GOLGA4: variants seen among roughly 807,000 people sequenced by gnomAD.
The protein encoded by GOLGA4 is golgin A4.
GOLGA4 carries 169 observed loss-of-function variants against 265.9 expected under a neutral mutation model. The ratio of observed to expected loss-of-function variants is 0.64; its 90% confidence interval spans 0.56 to 0.72. GOLGA4 has a LOEUF of 0.72. Among genes scored for constraint, GOLGA4 ranks in the 30% least tolerant of loss-of-function variants. The pLI, the probability that GOLGA4 is intolerant of heterozygous loss-of-function variation, is 0.00. For synonymous variants in GOLGA4, 923 were observed against 855.8 expected (o/e 1.08, Z -1.37); for missense variants, 2,482 against 2,483.4 (o/e 1.00, Z 0.01).
At chr3:37,334,877 A>G (rs2097004448) in intron 16 of GOLGA4, among the ~76,000 whole-genome samples, 176 bp from the exon 17 acceptor site, 1 of 152,216 alleles carries the variant, frequency 6.6e-6, no homozygotes, top group South Asian at 2.1e-4. Context: ...TTAGAGCACA[A>G]TAATGAATTA....
intron 11 of GOLGA4, 137 bp from the exon 12 acceptor site, chr3:37,318,926 T>C: frequency 1.7e-6 from 1 of 575,794 alleles, no homozygotes; most frequent in Non-Finnish European, 3.0e-6. Context: ...ATGCAGGAAA[T>C]GTGTTTTCTC....
rs141755194 is a variant in GOLGA4, at chr3:37,296,176, C to G, written c.771C>G (p.Val257=). The G allele has an allele frequency of 6.2e-7, 1 of 1,613,668 alleles. No homozygotes were observed. Among genetic ancestry groups the G allele is most frequent in the Non-Finnish European group, 8.5e-7 (1 of 1,179,578 alleles). The change falls in exon 7 of 24, where the codon GTC becomes GTG. Residue 257 remains valine (V), a synonymous_variant. Coordinates refer to ENST00000361924, the MANE Select transcript of GOLGA4 (RefSeq NM_002078.5). ...CTCAGCTGGAACCACAGGCTGAAGT[C>G]TTCACTAAAGAAGAGAATCCAGAAA... ...PLPQLEPQAE[V]FTKEENPESD... is the part of the protein sequence containing the mutation.
chr3:37,260,124 C>T (rs529176344), intron 2 of GOLGA4, among the ~76,000 whole-genome samples: 1 of 137,668 alleles, frequency 7.3e-6, no homozygotes, highest in East Asian at 2.2e-4. Flanking sequence ...GGCCACACAT[C>T]AAATACGCTA....
At chr3:37,344,558 C>T (rs1429927021) in intron 20 of GOLGA4, among the ~76,000 whole-genome samples, 2 of 143,738 alleles carry the variant, frequency 1.4e-5, no homozygotes, top group Non-Finnish European at 3.0e-5. Flanking sequence ...GTCTTGAACT[C>T]CTGGCCTCAA....
At chr3:37,308,392 C>T (rs2096913272) in intron 10 of GOLGA4, among the ~76,000 whole-genome samples, 1 of 151,722 alleles carries the variant, frequency 6.6e-6, no homozygotes, top group African/African-American at 2.4e-5. Flanking sequence ...TTTATTAAAT[C>T]TCTGTGAAGG....
At chr3:37,355,964 C>G (rs2097089896) in intron 22 of GOLGA4, among the ~76,000 whole-genome samples, 1 of 152,062 alleles carries the variant, frequency 6.6e-6, no homozygotes, top group Non-Finnish European at 1.5e-5. Context: ...TATTCTCTCT[C>G]TCCTCACTAA....
At chr3:37,362,932 G>A (rs1265281010) in intron 23 of GOLGA4, among the ~76,000 whole-genome samples, 30 of 151,482 alleles carry the variant, frequency 2.0e-4, no homozygotes, top group African/African-American at 7.0e-4. Flanking sequence ...ACAGGTACCC[G>A]CCACCATGCC....
intron 21 of GOLGA4, among the ~76,000 whole-genome samples, chr3:37,351,984 C>T (rs920811435): frequency 3.3e-5 from 5 of 152,048 alleles, no homozygotes; most frequent in Non-Finnish European, 7.4e-5. Context: ...TTGAACTTCT[C>T]CTCTCTAGCT....
At chr3:37,332,114 G>A (rs1482395730) in intron 16 of GOLGA4, among the ~76,000 whole-genome samples, 2 of 152,190 alleles carry the variant, frequency 1.3e-5, no homozygotes, top group Non-Finnish European at 2.9e-5. Context: ...GGAAACAAAG[G>A]TGTGATTTAT....
At chr3:37,267,026 C>T (rs909102773) in intron 2 of GOLGA4, 7 of 475,204 alleles carry the variant, frequency 1.5e-5, no homozygotes, top group Admixed American at 8.3e-5. Context: ...ATGTTACTTG[C>T]CACTTACCAT....
At chr3:37,318,424 A>C (rs1371614420) in intron 11 of GOLGA4, among the ~76,000 whole-genome samples, 2 of 152,040 alleles carry the variant, frequency 1.3e-5, no homozygotes, top group Non-Finnish European at 2.9e-5. Flanking sequence ...GTGCTGTTCT[A>C]TTGCTTTGTC....
intron 10 of GOLGA4, among the ~76,000 whole-genome samples, chr3:37,306,617 C>T (rs1452175843): frequency 6.6e-6 from 1 of 151,534 alleles, no homozygotes; most frequent in Non-Finnish European, 1.5e-5. Flanking sequence ...TAGAGAAAAT[C>T]ACATCACTGT....
Position 37,327,502 on chromosome 3 carries a change from T to C in GOLGA4, c.5616T>C (p.Val1872=), listed in dbSNP as rs1337439241. ...CLVRQKEVHR[V]EMEELTSKYE... is the part of the protein sequence containing the mutation. ...TAAGACAGAAAGAAGTACATAGAGT[T>C]GAAATGGAAGAGTTGACCTCAAAAT... Residue 1872 remains valine (V), a synonymous_variant, in exon 14 of 24, where the codon GTT becomes GTC. Coordinates refer to ENST00000361924, the MANE Select transcript of GOLGA4 (RefSeq NM_002078.5). 6.2e-7 allele frequency: 1 copy of C among 1,613,220 alleles called. No individual in the cohort carries two copies. The highest frequency in any genetic ancestry group is 1.3e-5 in the African/African-American group (1 of 74,874).
chr3:37,288,103 ATTTTTTTT>A (rs1203747752), intron 4 of GOLGA4, among the ~76,000 whole-genome samples: 1 of 118,576 alleles, frequency 8.4e-6, no homozygotes, highest in Non-Finnish European at 1.7e-5. Flanking sequence ...TAGCTTCTTG[ATTTTTTTT>A]TTTTTTTTTT....
intron 22 of GOLGA4, among the ~76,000 whole-genome samples, chr3:37,355,558 C>T (rs1019184329): frequency 2.0e-5 from 3 of 152,068 alleles, no homozygotes; most frequent in East Asian, 1.9e-4. Context: ...TTATATATTA[C>T]AGTTCTTTAT....
At chr3:37,256,903 T>C (rs944898078) in intron 2 of GOLGA4, among the ~76,000 whole-genome samples, 2 of 152,088 alleles carry the variant, frequency 1.3e-5, no homozygotes, top group African/African-American at 2.4e-5. Context: ...CAAGGGACCC[T>C]GATTTTTTTT....
At chr3:37,300,679 A>T (rs532693923) in intron 9 of GOLGA4, among the ~76,000 whole-genome samples, 1 of 152,154 alleles carries the variant, frequency 6.6e-6, no homozygotes, top group African/African-American at 2.4e-5. Flanking sequence ...AAGAAATTTT[A>T]TCATTTTTTT....
At chr3:37,273,445 A>G in intron 2 of GOLGA4, 1 of 681,430 alleles carries the variant, frequency 1.5e-6, no homozygotes, top group Non-Finnish European at 2.6e-6. Flanking sequence ...AATGTATCTG[A>G]TAGGTCTTGG....
At chr3:37,252,927 T>G (rs1048415731) in intron 2 of GOLGA4, among the ~76,000 whole-genome samples, 2 of 152,150 alleles carry the variant, frequency 1.3e-5, no homozygotes, top group Admixed American at 6.6e-5. Context: ...TGCCATTCAT[T>G]TTAATGATGT....
Sources: gnomAD v4.1 joint callset for allele counts (sites outside exome capture counted in the v4.1 genomes callset) on GRCh38, gnomAD v4.1.1 for gene constraint, MANE v1.5 for transcripts, NCBI Gene and HGNC (gene_info 2026-07-23, HGNC 2026-07-21) for gene names.